CLPTM1L: variants seen among roughly 807,000 people sequenced by gnomAD.
CLPTM1L encodes the protein lipid scramblase CLPTM1L.
CLPTM1L carries 38 observed loss-of-function variants against 70.9 expected under a neutral mutation model. The ratio of observed to expected loss-of-function variants is 0.54; its 90% CI spans 0.41 to 0.70. The LOEUF (loss-of-function observed/expected upper bound fraction) is 0.70. Ranked by LOEUF, CLPTM1L falls within the 30% of genes least tolerant of loss-of-function variation. The pLI, the probability that CLPTM1L is intolerant of heterozygous loss-of-function variation, is 0.00. For missense variants in CLPTM1L, 652 were observed against 705.9 expected, an observed-to-expected ratio of 0.92 and a Z score of 0.87; for synonymous variants, 339 against 299.9, an observed-to-expected ratio of 1.13 and a Z score of -1.35.
At chr5:1,336,781 T>C (rs757902174) in intron 5 of CLPTM1L, among the ~76,000 whole-genome samples, 1 of 152,094 alleles carries the variant, frequency 6.6e-6, no homozygotes, top group Non-Finnish European at 1.5e-5. Flanking sequence ...ATAGGAGCAA[T>C]CAGTGACCCC....
chr5:1,321,896 G>A, intron 13 of CLPTM1L, 77 bp from the exon 14 acceptor site: 1 of 1,397,446 alleles, frequency 7.2e-7, no homozygotes, highest in Admixed American at 1.9e-5. Context: ...CACTCACGAG[G>A]TGTGGAGGGC....
At chr5:1,326,931 G>A (rs1364657782) in intron 9 of CLPTM1L, among the ~76,000 whole-genome samples, 157 of 80,420 alleles carry the variant, frequency 2.0e-3, no homozygotes, top group East Asian at 3.6e-3. Flanking sequence ...CCTCCTCTAC[G>A]GACACATTTC....
In CLPTM1L at chr5:1,334,392, G is replaced by GA. The variant is rs5865369; in HGVS notation, c.797-10dup. ...ATCTTTCTCTGAAAACCCTGTCAAG[G>GA]AAAAAAAAACATACAATATAAAACA... On this transcript the variant is annotated splice_polypyrimidine_tract_variant and intron_variant, in intron 6 of 16. Transcript: ENST00000320895. 397 of 1,474,762 alleles carry GA rather than the reference G, an allele frequency of 2.7e-4. No homozygotes were observed. Among genetic ancestry groups the GA allele is most frequent in the Non-Finnish European group, 3.4e-4 (364 of 1,057,828 alleles). The allele number at this position is 1,474,762 out of a possible 1,614,324, so 91.4% of individuals were successfully genotyped here.
chr5:1,334,238 C>T (rs1405857220), intron 7 of CLPTM1L, 51 bp downstream of exon 7: 1 of 1,404,640 alleles, frequency 7.1e-7, no homozygotes, highest in East Asian at 2.3e-5. Flanking sequence ...AGGCCCGGGG[C>T]CCAGGGAGCC....
At position 1,338,928 on chromosome 5, in the gene CLPTM1L, G is replaced by T; in HGVS notation, c.531C>A (p.Asn177Lys). 2 of 1,613,366 alleles carry T rather than the reference G, an allele frequency of 1.2e-6. No individual in the cohort carries two copies. Among genetic ancestry groups the T allele is most frequent in the Non-Finnish European group, 1.7e-6 (2 of 1,180,048 alleles). The stretch of plus-strand genomic sequence containing the variant: ...CAAAGACAAAGTTGTCCGCCATCAC[G>T]TTCAGCGCCAGCCGCGGTCGCCAGT... ...VSHWRPRLAL[N>K]VMADNFVFDG... Residue 177 changes from asparagine to lysine, a missense_variant, in exon 4 of 17, where the codon AAC becomes AAA. By Grantham distance (94) the Asn-to-Lys change is moderately conservative. This residue lies in a region of CLPTM1L where 402 missense variants were observed against 388.2 expected (regional missense o/e 1.04). Transcript: ENST00000320895.
chr5:1,322,888 C>G lies in CLPTM1L; in HGVS notation c.1304G>C (p.Ser435Thr), dbSNP rs1752241451. ...YKSWYSWLIN[S>T]FVNGVYAFGF... ...GCACATGGACTCACCGTTGACGAAG[C>G]TGTTGATTAACCAGGAGTACCAGCT... Residue 435 changes from serine to threonine, a missense_variant, in exon 13 of 17, where the codon AGC (serine) becomes ACC (threonine). Around this residue, in one of 3 missense-constraint regions of CLPTM1L, gnomAD observed 240 missense variants for 295.0 expected, o/e 0.81. Coordinates refer to ENST00000320895, the MANE Select transcript of CLPTM1L (RefSeq NM_030782.5). 1 of 1,613,856 alleles carries G rather than the reference C, an allele frequency of 6.2e-7. No individual in the cohort carries two copies. The highest frequency in any genetic ancestry group is 2.2e-5 in the East Asian group (1 of 44,902).
At chr5:1,320,555 G>T in intron 16 of CLPTM1L, 61 bp downstream of exon 16, 1 of 914,030 alleles carries the variant, frequency 1.1e-6, no homozygotes, top group Non-Finnish European at 1.6e-6. Context: ...CCGTCATTCC[G>T]TTCAGCAGCA....
At position 1,342,039 on chromosome 5, in the gene CLPTM1L, T is replaced by TGCGCGC. The variant is rs71309294; in HGVS notation, c.264-180_264-179insGCGCGC. On this transcript the variant is annotated intron_variant, in intron 2 of 16. Transcript: ENST00000320895. The surrounding 1 kb of genome is among the most constrained non-coding windows in gnomAD (Gnocchi z 4.3). Reference sequence around the variant, plus strand: ...GTGTGTGTGTGTGTGTGTGTGTGTGTGCACGCGCACGCGTGCGCGTCCTGA... The same window carrying TGCGCGC: ...GTGTGTGTGTGTGTGTGTGTGTGTGTGCGCGCGCACGCGCACGCGTGCGCGTCCTGA... Among the ~76,000 whole-genome samples, 29 of 149,088 alleles carry TGCGCGC rather than the reference T, an allele frequency of 1.9e-4. No homozygotes were observed. Among genetic ancestry groups the TGCGCGC allele is most frequent in the African/African-American group, 6.8e-4 (27 of 39,782 alleles).
intron 3 of CLPTM1L, 56 bp from the exon 4 acceptor site, chr5:1,339,061 A>G: frequency 2.5e-6 from 4 of 1,577,792 alleles, no homozygotes; most frequent in Non-Finnish European, 3.4e-6. Flanking sequence ...TGCCCAGGAC[A>G]GCAGGGTCAG....
At position 1,318,951 on chromosome 5, in the gene CLPTM1L, C is replaced by T. The variant is rs371030879; in HGVS notation, c.1533-498G>A. On this transcript the variant is annotated intron_variant, in intron 16 of 16. Transcript: ENST00000320895. This position sits in a 1 kb window ranked among gnomAD's most constrained non-coding sequence, Gnocchi z 8.9. ...CTGTGGCATAAGGGGCAGCTCTACA[C>T]GGCCGCGAACAGAAGTACAGGGTTT... Among the ~76,000 whole-genome samples the T allele has an allele frequency of 6.4e-4, 98 of 152,370 alleles. No individual in the cohort carries two copies. Among genetic ancestry groups the T allele is most frequent in the African/African-American group, 2.2e-3 (91 of 41,602 alleles).
intron 3 of CLPTM1L, among the ~76,000 whole-genome samples, chr5:1,340,730 C>T (rs1027524142): frequency 6.6e-6 from 1 of 152,198 alleles, no homozygotes; most frequent in Admixed American, 6.5e-5. Flanking sequence ...ACCTCTCTTT[C>T]TCTCTGTCTG....
chr5:1,330,325 C>G lies in CLPTM1L; in HGVS notation c.1035G>C (p.Thr345=). Reference sequence around the variant, plus strand: ...CCGCCGGGACCAGCACCAGCAGGCTCGTCTGCTCGTCCAGCAGGAACAGAA... The same window carrying G: ...CCGCCGGGACCAGCACCAGCAGGCTGGTCTGCTCGTCCAGCAGGAACAGAA... ...VIFLFLLDEQ[T]SLLVLVPAGV... Residue 345 remains threonine (T), a synonymous_variant, in exon 9 of 17, where the codon ACG becomes ACC. Coordinates refer to ENST00000320895, the MANE Select transcript of CLPTM1L (RefSeq NM_030782.5). 6.2e-7 allele frequency: 1 copy of G among 1,612,842 alleles called. No homozygotes were observed. Among genetic ancestry groups the G allele is most frequent in the Non-Finnish European group, 8.5e-7 (1 of 1,179,988 alleles).
At chr5:1,325,542 A>G in intron 10 of CLPTM1L, 4 of 574,842 alleles carry the variant, frequency 7.0e-6, no homozygotes, top group Non-Finnish European at 1.3e-5. Flanking sequence ...GTCTGCACTG[A>G]AGACGGTCAG....
Position 1,334,355 on chromosome 5 carries a change from C to T in CLPTM1L, c.825G>A (p.Val275=), listed in dbSNP as rs1224795582. The change falls in exon 7 of 17, where the codon GTG becomes GTA. Residue 275 remains valine (V), a synonymous_variant. Transcript: ENST00000320895. The part of the protein sequence containing the change: ...FGFSEKDADE[V]KGIFVDTNLY... ...AGTTGGTATCTACAAAAATTCCTTT[C>T]ACCTCATCAGCATCTTTCTCTGAAA... is the stretch of plus-strand genomic sequence containing the variant. 1.9e-6 allele frequency: 3 copies of T among 1,612,392 alleles called. No individual in the cohort carries two copies. The highest frequency in any genetic ancestry group is 1.1e-5 in the South Asian group (1 of 90,984).
chr5:1,338,813 G>A, intron 4 of CLPTM1L, 47 bp downstream of exon 4: 1 of 1,608,870 alleles, frequency 6.2e-7, no homozygotes, highest in Non-Finnish European at 8.5e-7. Context: ...GCCAGCCAGG[G>A]TCCCAGCACC....
chr5:1,340,822 G>A (rs555542654), intron 3 of CLPTM1L, among the ~76,000 whole-genome samples: 47 of 152,252 alleles, frequency 3.1e-4, no homozygotes, highest in Admixed American at 1.7e-3. Context: ...TCCCTCTGTC[G>A]CCCAGGCTGG....
rs200467747 is a variant in CLPTM1L at position 1,341,688 on chromosome 5, C to T, written c.436G>A (p.Gly146Arg). 1.6e-4 allele frequency: 250 copies of T among 1,609,492 alleles called. No individual in the cohort carries two copies. The highest frequency in any genetic ancestry group is 7.8e-4 in the East Asian group (35 of 44,726). ...ACCCTCACCTGTGTATCAGACTCCC[C>T]GGTGAGCAGGTTGATTTCTTCTGGC... Reference protein sequence around the residue: ...PKPEEINLLTGESDTQQIEAE... With the variant: ...PKPEEINLLTRESDTQQIEAE... Residue 146 changes from glycine to arginine, a missense_variant, in exon 3 of 17, where the codon GGG (glycine) becomes AGG (arginine). Around this residue, in one of 3 missense-constraint regions of CLPTM1L, gnomAD observed 402 missense variants for 388.2 expected, o/e 1.04. Transcript: ENST00000320895.
Position 1,344,896 on chromosome 5 carries a change from C to T in CLPTM1L, c.-55G>A. On this transcript the variant is annotated 5_prime_UTR_variant, in exon 1 of 17. Transcript: ENST00000320895. ...GCCCGCCTCTCAGCCGCGAGCCCCG[C>T]CCGCCCGGCGCCCAGCCCGCCGCTC... 1 of 993,314 alleles carries T rather than the reference C, an allele frequency of 1.0e-6. No homozygotes were observed. Among genetic ancestry groups the T allele is most frequent in the Non-Finnish European group, 1.2e-6 (1 of 828,432 alleles). 61.5% of individuals were successfully genotyped at this position (993,314 alleles called of 1,614,324 possible). A position where few individuals can be genotyped will look rare whatever the true frequency, so the allele number is the denominator to read the frequency against.
rs1044420897 is a variant in CLPTM1L at position 1,339,096 on chromosome 5, CCACA to C, written c.454-95_454-92del. The stretch of plus-strand genomic sequence containing the variant: ...GCCCCCTAACCTGCGAACAGAACGG[CCACA>C]CAGACAGGCAAACTGTGCCCGGGAC... On this transcript the variant is annotated intron_variant, in intron 3 of 16. Transcript: ENST00000320895. The C allele has an allele frequency of 4.9e-6, 7 of 1,439,188 alleles. No individual in the cohort carries two copies. The Admixed American group carries it at 1.3e-4, about 26-fold the overall frequency. The allele number at this position is 1,439,188 out of a possible 1,614,324, so 89.2% of individuals were successfully genotyped here.
Sources: gnomAD v4.1 joint callset for allele counts (sites outside exome capture counted in the v4.1 genomes callset) on GRCh38, gnomAD v4.1.1 for gene constraint, gnomAD v4.1.1 regional missense constraint, Gnocchi (gnomAD v3.1) non-coding constraint, MANE v1.5 for transcripts, NCBI Gene and HGNC (gene_info 2026-07-23, HGNC 2026-07-21) for gene names.